DNAH17: variants seen among roughly 807,000 people sequenced by gnomAD.
The protein encoded by DNAH17 is axonemal beta dynein heavy chain 17.
In DNAH17, 376 loss-of-function variants were observed where a neutral mutation model predicts 485.6. That is an observed-to-expected ratio of 0.77 (90% CI 0.71 to 0.84). DNAH17 has a LOEUF of 0.84. DNAH17 is among the 40% of genes least tolerant of loss of function. The pLI, the probability that DNAH17 is intolerant of heterozygous loss-of-function variation, is 0.00. For missense variants in DNAH17, 6,370 were observed against 5,839.3 expected (o/e 1.09, Z -2.96); for synonymous variants, 3,031 against 2,405.9 (o/e 1.26, Z -7.60).
At chr17:78,560,118 G>T (rs1302949213) in intron 13 of DNAH17, among the ~76,000 whole-genome samples, 1 of 152,054 alleles carries the variant, frequency 6.6e-6, no homozygotes, top group Non-Finnish European at 1.5e-5. Context: ...CCGCCCTCCT[G>T]CCTGGAGGTA....
chr17:78,472,803 G>A (rs1307578948), intron 54 of DNAH17: 1 of 450,470 alleles, frequency 2.2e-6, no homozygotes, highest in Non-Finnish European at 4.5e-6. Flanking sequence ...CAGCCTTTGT[G>A]GGGTCACAGA....
At chr17:78,474,191 G>A (rs1014496264) in intron 54 of DNAH17, among the ~76,000 whole-genome samples, 22 of 152,220 alleles carry the variant, frequency 1.4e-4, no homozygotes, top group African/African-American at 4.6e-4. Context: ...CCAGCCCAGC[G>A]ACTGTCTGAG....
chr17:78,465,492 T>C (rs2088382656), intron 56 of DNAH17, among the ~76,000 whole-genome samples: 1 of 81,876 alleles, frequency 1.2e-5, no homozygotes, highest in Non-Finnish European at 3.2e-5. Context: ...GAGGAACACC[T>C]CTTCCCGGCC....
rs764457693 is a variant in DNAH17, at chr17:78,428,714, AAG to A, written c.12406-9_12406-8del. On this transcript the variant is annotated splice_polypyrimidine_tract_variant and splice_region_variant and intron_variant, in intron 76 of 80. Coordinates refer to ENST00000389840, the MANE Select transcript of DNAH17 (RefSeq NM_173628.4). ...CGATGTATTCGTGGTAACCCTGAAAAAGAGGGCAGTTTGTAAGCAGAGGCAAA... is the reference window on the plus strand; with the variant it reads ...CGATGTATTCGTGGTAACCCTGAAAAAGGGCAGTTTGTAAGCAGAGGCAAA... 7 of 1,612,766 alleles carry A rather than the reference AAG, an allele frequency of 4.3e-6. No individual in the cohort carries two copies. Among genetic ancestry groups the A allele is most frequent in the Non-Finnish European group, 5.9e-6 (7 of 1,179,072 alleles).
rs188938933 is a variant in DNAH17 at position 78,526,265 on chromosome 17, T to C, written c.3711+386A>G. 9.0e-4 allele frequency among the ~76,000 whole-genome samples: 137 copies of C among 152,286 alleles called. 2 individuals are homozygous for C. The highest frequency in any genetic ancestry group is 3.2e-3 in the African/African-American group (134 of 41,562). Reference sequence around the variant, plus strand: ...AGGAGAGGCAGGAGGCAGGGAGAGATGGCAGGTGAGTATTAAGCCCAGGGG... The same window carrying C: ...AGGAGAGGCAGGAGGCAGGGAGAGACGGCAGGTGAGTATTAAGCCCAGGGG... On this transcript the variant is annotated intron_variant, in intron 24 of 80. Coordinates refer to ENST00000389840, the MANE Select transcript of DNAH17 (RefSeq NM_173628.4).
Position 78,423,801 on chromosome 17 carries a change from G to GA in DNAH17, c.*104dup. 1 of 1,451,164 alleles carries GA rather than the reference G, an allele frequency of 6.9e-7. No homozygotes were observed. Among genetic ancestry groups the GA allele is most frequent in the Non-Finnish European group, 9.4e-7 (1 of 1,067,440 alleles). The allele number at this position is 1,451,164 out of a possible 1,614,324, so 89.9% of individuals were successfully genotyped here. A position where few individuals can be genotyped will look rare whatever the true frequency, so the allele number is the denominator to read the frequency against. ...AAAGCACCTGATTATTTAAGAGAAC[G>GA]AAAAACCACCACCAGTTCCTGTAAA... is the stretch of plus-strand genomic sequence containing the variant. On this transcript the variant is annotated 3_prime_UTR_variant, in exon 81 of 81. Transcript: ENST00000389840.
At chr17:78,473,502 C>T (rs577515506) in intron 54 of DNAH17, among the ~76,000 whole-genome samples, 115 of 147,824 alleles carry the variant, frequency 7.8e-4, no homozygotes, top group African/African-American at 2.9e-3. Context: ...TGAGATCGCG[C>T]CACTGCACTC....
chr17:78,567,124 T>G lies in DNAH17; in HGVS notation c.1327A>C (p.Ile443Leu). 1 of 1,610,448 alleles carries G rather than the reference T, an allele frequency of 6.2e-7. No individual in the cohort carries two copies. The change falls in exon 10 of 81, where the codon ATC becomes CTC. Residue 443 changes from isoleucine to leucine, a missense_variant. Coordinates refer to ENST00000389840, the MANE Select transcript of DNAH17 (RefSeq NM_173628.4). ...TAIEFLKLEK[I>L]ELGGVRGNLL... ...TTCCCACGCACGCCCCCAAGCTCGATTTTCTCCAGCTTCAGAAACTCAATT... is the reference window on the plus strand; with the variant it reads ...TTCCCACGCACGCCCCCAAGCTCGAGTTTCTCCAGCTTCAGAAACTCAATT...
intron 72 of DNAH17, among the ~76,000 whole-genome samples, chr17:78,439,890 A>C (rs2087001818): frequency 6.6e-6 from 1 of 151,712 alleles, no homozygotes; most frequent in South Asian, 2.1e-4. Flanking sequence ...GGCTGGTCTC[A>C]AACTCCTGAC....
chr17:78,475,832 T>G lies in DNAH17; in HGVS notation c.8156A>C (p.Asp2719Ala). The G allele has an allele frequency of 3.1e-6, 5 of 1,606,030 alleles. No individual in the cohort carries two copies. The highest frequency in any genetic ancestry group is 4.2e-6 in the Non-Finnish European group (5 of 1,177,762). Residue 2719 changes from aspartate (D) to alanine (A), a missense_variant and splice_region_variant, in exon 53 of 81, where the codon GAT becomes GCT. By Grantham distance (126) the Asp-to-Ala change is moderately radical (BLOSUM62 -2). Coordinates refer to ENST00000389840, the MANE Select transcript of DNAH17 (RefSeq NM_173628.4). ...TMASTKKFFDDLGDELLFAKP... is the reference protein window; with the variant it reads ...TMASTKKFFDALGDELLFAKP... ...GGCAAATAAGAGTTCATCACCAAGA[T>G]CCTAGAAAAAGAAAAAAAAAGACGA...
intron 55 of DNAH17, among the ~76,000 whole-genome samples, chr17:78,467,075 G>A (rs1446284190): frequency 4.6e-5 from 7 of 152,234 alleles, no homozygotes; most frequent in Admixed American, 1.3e-4. Context: ...AAAAAGGCCG[G>A]GCAAAGGAAG....
chr17:78,544,406 G>C (rs1395202036), intron 16 of DNAH17, among the ~76,000 whole-genome samples: 2 of 152,212 alleles, frequency 1.3e-5, no homozygotes, highest in Admixed American at 6.5e-5. Flanking sequence ...GTGGGAGTAA[G>C]TCCCTTTTGT....
chr17:78,521,125 G>A (rs1177950182), intron 25 of DNAH17, among the ~76,000 whole-genome samples: 1 of 152,210 alleles, frequency 6.6e-6, no homozygotes, highest in Admixed American at 6.5e-5. Context: ...ATGGAGCGGG[G>A]CCAGGCGCTG....
chr17:78,427,300 C>T (rs755431501), intron 77 of DNAH17, among the ~76,000 whole-genome samples, 192 bp from the exon 78 acceptor site: 1 of 152,330 alleles, frequency 6.6e-6, no homozygotes, highest in Admixed American at 6.5e-5. Context: ...CCTTGGCCAG[C>T]GGCTCCGAGC....
At chr17:78,524,634 C>T (rs2091016450) in intron 25 of DNAH17, among the ~76,000 whole-genome samples, 1 of 151,916 alleles carries the variant, frequency 6.6e-6, no homozygotes, top group Non-Finnish European at 1.5e-5. Context: ...TTATGAGCCA[C>T]TGAGTTTATG....
chr17:78,575,913 A>G (rs2092426950), intron 1 of DNAH17, among the ~76,000 whole-genome samples: 1 of 152,280 alleles, frequency 6.6e-6, no homozygotes, highest in Non-Finnish European at 1.5e-5. Context: ...AAATAAAGAC[A>G]GGCTCTGGCA....
At position 78,537,546 on chromosome 17, in the gene DNAH17, C is replaced by A. The variant is rs2091411768; in HGVS notation, c.2677-65G>T. On this transcript the variant is annotated intron_variant, in intron 18 of 80. Coordinates refer to ENST00000389840, the MANE Select transcript of DNAH17 (RefSeq NM_173628.4). ...TCCTCCATCGGATGATTCTCAGTGC[C>A]CTGATCATCCACTCCGTACCATCAA... 6 of 1,529,436 alleles carry A rather than the reference C, an allele frequency of 3.9e-6. No individual in the cohort carries two copies. The South Asian group carries it at 7.0e-5, about 18-fold the overall frequency. The allele number at this position is 1,529,436 out of a possible 1,614,324, so 94.7% of individuals were successfully genotyped here. A position where few individuals can be genotyped will look rare whatever the true frequency, so the allele number is the denominator to read the frequency against.
Position 78,505,232 on chromosome 17 carries a change from G to A in DNAH17, c.4956+61C>T. 2.5e-6 allele frequency: 4 copies of A among 1,598,068 alleles called. No homozygotes were observed. In the Admixed American group the frequency reaches 5.1e-5, roughly 20 times the overall value. Reference sequence around the variant, plus strand: ...CGGACATCGCCATCTGAGGGCGTGTGGCCCACACGCGTGCTGCACCCTTGT... The same window carrying A: ...CGGACATCGCCATCTGAGGGCGTGTAGCCCACACGCGTGCTGCACCCTTGT... On this transcript the variant is annotated intron_variant, in intron 31 of 80. Coordinates refer to ENST00000389840, the MANE Select transcript of DNAH17 (RefSeq NM_173628.4).
At chr17:78,527,048 C>A (rs2091097744) in intron 22 of DNAH17, 52 bp from the exon 23 acceptor site, 1 of 1,427,758 alleles carries the variant, frequency 7.0e-7, no homozygotes, top group Non-Finnish European at 9.5e-7. Context: ...TTTTCTTAAA[C>A]CTTCTATTGT....
Sources: allele counts gnomAD v4.1 joint callset (sites outside exome capture counted in the v4.1 genomes callset), GRCh38; gene constraint gnomAD v4.1.1; transcripts MANE v1.5; gene names NCBI Gene and HGNC (gene_info 2026-07-23, HGNC 2026-07-21).